The following PARP4 variants were observed in gnomAD, a reference collection of about 807,000 sequenced individuals.
PARP4 encodes poly(ADP-ribose) polymerase family member 4, also known as protein mono-ADP-ribosyltransferase PARP4.
In PARP4, 120 loss-of-function variants were observed where a neutral mutation model predicts 187.7. The ratio of observed to expected loss-of-function variants is 0.64; its 90% CI spans 0.55 to 0.74. The LOEUF (loss-of-function observed/expected upper bound fraction) is 0.74. Ranked by LOEUF, PARP4 falls within the 30% of genes least tolerant of loss-of-function variation. The pLI, the probability that PARP4 is intolerant of heterozygous loss-of-function variation, is 0.00. For synonymous variants in PARP4, 654 were observed against 740.9 expected (o/e 0.88, Z 1.90); for missense variants, 1,836 against 2,070.5 (o/e 0.89, Z 2.20).
intron 6 of PARP4, among the ~76,000 whole-genome samples, chr13:24,497,750 G>A (rs2137538659): frequency 6.6e-6 from 1 of 152,254 alleles, no homozygotes; most frequent in Non-Finnish European, 1.5e-5. Flanking sequence ...GATTAATTAA[G>A]TGAGATCATA....
chr13:24,478,011 T>G, intron 13 of PARP4, 82 bp downstream of exon 13: 1 of 1,146,256 alleles, frequency 8.7e-7, no homozygotes, highest in African/African-American at 1.6e-5. Flanking sequence ...TTAAGCATAT[T>G]TAATGAAAAT....
chr13:24,427,851 G>C (rs1870136212), intron 32 of PARP4, among the ~76,000 whole-genome samples: 1 of 151,980 alleles, frequency 6.6e-6, no homozygotes, highest in Non-Finnish European at 1.5e-5. Context: ...TTCTTTTGTG[G>C]CTTATTTTTT....
intron 33 of PARP4, among the ~76,000 whole-genome samples, chr13:24,425,542 CAT>C (rs1491559186): frequency 1.8e-4 from 12 of 65,210 alleles, no homozygotes; most frequent in East Asian, 1.0e-3. Flanking sequence ...TGCATGTGTG[CAT>C]GTGTGTGTGT....
chr13:24,434,306 G>A (rs1870491311), intron 31 of PARP4, 89 bp downstream of exon 31: 3 of 1,251,098 alleles, frequency 2.4e-6, no homozygotes, highest in South Asian at 3.1e-5. Flanking sequence ...ACTGATGATA[G>A]ACGGTTCCTT....
intron 30 of PARP4, among the ~76,000 whole-genome samples, chr13:24,436,520 C>A (rs1276445978): frequency 6.6e-6 from 1 of 152,000 alleles, no homozygotes; most frequent in Non-Finnish European, 1.5e-5. Context: ...GTTGACCAGA[C>A]TGGTTTTGAA....
chr13:24,449,238 A>G (rs536194419), intron 25 of PARP4, among the ~76,000 whole-genome samples: 1 of 152,168 alleles, frequency 6.6e-6, no homozygotes, highest in African/African-American at 2.4e-5. Flanking sequence ...AATACAAACA[A>G]TTAGCCAGGC....
At chr13:24,434,285 C>T in intron 31 of PARP4, 110 bp downstream of exon 31, 1 of 1,023,894 alleles carries the variant, frequency 9.8e-7, no homozygotes, top group East Asian at 2.4e-5. Context: ...CAACCCCTTC[C>T]TTCACTACAG....
At chr13:24,448,010 A>G (rs1253079075) in intron 25 of PARP4, among the ~76,000 whole-genome samples, 1 of 152,138 alleles carries the variant, frequency 6.6e-6, no homozygotes, top group Non-Finnish European at 1.5e-5. Context: ...ATTCGAGACC[A>G]GCCTAGGCCC....
Position 24,455,033 on chromosome 13 carries a change from A to G in PARP4, c.2742T>C (p.Ile914=). ...CGCACTCACCTGTGCCGAACTGGAT[A>G]ATATTTACTTTCTGCTTCTCACCCA... ...SLVGEKQKVN[I]IQFGTGYKEL... The change falls in exon 22 of 34, where the codon ATT becomes ATC. Residue 914 remains isoleucine (I), a synonymous_variant. Coordinates refer to ENST00000381989, the MANE Select transcript of PARP4 (RefSeq NM_006437.4). 6.2e-7 allele frequency: 1 copy of G among 1,607,034 alleles called. No homozygotes were observed. The highest frequency in any genetic ancestry group is 8.5e-7 in the Non-Finnish European group (1 of 1,174,428).
At chr13:24,472,696 A>G (rs866722225) in intron 15 of PARP4, among the ~76,000 whole-genome samples, 4 of 152,198 alleles carry the variant, frequency 2.6e-5, no homozygotes, top group Middle Eastern at 3.4e-3. Flanking sequence ...GCTGCCTTCC[A>G]TCCTGTGACT....
At chr13:24,499,256 G>GGT (rs774025980) in intron 5 of PARP4, 45 bp downstream of exon 5, 3 of 1,485,662 alleles carry the variant, frequency 2.0e-6, no homozygotes, top group African/African-American at 1.5e-5. Context: ...CATTCAAACA[G>GGT]GTGTGTTTTT....
chr13:24,449,283 G>A (rs1485636629), intron 25 of PARP4, among the ~76,000 whole-genome samples: 1 of 151,548 alleles, frequency 6.6e-6, no homozygotes, highest in Non-Finnish European at 1.5e-5. Context: ...AGCTAGTTGG[G>A]AGGCTGAGGC....
rs530460955 is a variant in PARP4 at position 24,447,135 on chromosome 13, C to T, written c.3166G>A (p.Val1056Ile). 2.1e-5 allele frequency: 34 copies of T among 1,613,214 alleles called. No homozygotes were observed. The highest frequency in any genetic ancestry group is 1.9e-4 in the African/African-American group (14 of 74,990). Reference protein sequence around the residue: ...LCSPSCHSVSVKWQQLNPDVP... With the variant: ...LCSPSCHSVSIKWQQLNPDVP... Reference sequence around the variant, plus strand: ...TCTGGATTGAGTTGCTGCCATTTGACGGAGACAGAGTGGCAACTCGGAGAA... The same window carrying T: ...TCTGGATTGAGTTGCTGCCATTTGATGGAGACAGAGTGGCAACTCGGAGAA... Residue 1056 changes from valine to isoleucine, a missense_variant, in exon 26 of 34, where the codon GTC becomes ATC. Val to Ile is a conservative substitution (Grantham distance 29). Transcript: ENST00000381989.
At chr13:24,465,486 C>A (rs1181143589) in intron 17 of PARP4, among the ~76,000 whole-genome samples, 3 of 152,156 alleles carry the variant, frequency 2.0e-5, no homozygotes, top group Admixed American at 2.0e-4. Flanking sequence ...ATGAATGAAG[C>A]TGGAAGCCAT....
intron 15 of PARP4, among the ~76,000 whole-genome samples, chr13:24,475,252 A>C (rs1466165564): frequency 1.3e-5 from 2 of 152,074 alleles, no homozygotes; most frequent in Non-Finnish European, 2.9e-5. Context: ...CTACTCCCCC[A>C]CACAGTGTGT....
At chr13:24,436,081 G>C (rs1368547915) in intron 30 of PARP4, among the ~76,000 whole-genome samples, 1 of 152,086 alleles carries the variant, frequency 6.6e-6, no homozygotes, top group Admixed American at 6.5e-5. Context: ...TTAGTTCTTA[G>C]AATTGCGGAA....
At chr13:24,501,585 G>T in intron 3 of PARP4, 48 bp downstream of exon 3, 1 of 1,294,562 alleles carries the variant, frequency 7.7e-7, no homozygotes, top group Non-Finnish European at 1.1e-6. Flanking sequence ...ACCCAAGCGT[G>T]TACTATGGCA....
intron 3 of PARP4, among the ~76,000 whole-genome samples, 190 bp downstream of exon 3, chr13:24,501,443 A>G (rs1278678732): frequency 6.6e-6 from 1 of 152,236 alleles, no homozygotes; most frequent in Non-Finnish European, 1.5e-5. Context: ...TAGGCTAGAT[A>G]TCAAGAAATC....
At position 24,484,604 on chromosome 13, in the gene PARP4, T is replaced by C. The variant is rs182110521; in HGVS notation, c.1448+49A>G. 1.1e-3 allele frequency: 1,405 copies of C among 1,251,248 alleles called. 4 individuals carry two copies. Among genetic ancestry groups the C allele is most frequent in the Non-Finnish European group, 1.5e-3 (1,279 of 850,706 alleles). The allele number at this position is 1,251,248 out of a possible 1,614,324, so 77.5% of individuals were successfully genotyped here. Reference sequence around the variant, plus strand: ...CTCACCAAGGAAAGACAGAAGAAAATACACAGCAAGTATTCAGTAACGATT... The same window carrying C: ...CTCACCAAGGAAAGACAGAAGAAAACACACAGCAAGTATTCAGTAACGATT... On this transcript the variant is annotated intron_variant, in intron 12 of 33. Transcript: ENST00000381989.
Sources: gnomAD v4.1 joint callset for allele counts (sites outside exome capture counted in the v4.1 genomes callset) on GRCh38, gnomAD v4.1.1 for gene constraint, MANE v1.5 for transcripts, NCBI Gene and HGNC (gene_info 2026-07-23, HGNC 2026-07-21) for gene names.